The following PRELID2 variants were observed in gnomAD, a reference collection of about 807,000 sequenced individuals.
PRELID2 encodes PRELI domain containing 2, also known as PRELI domain-containing protein 2.
PRELID2 carries 25 observed loss-of-function variants against 28.4 expected under a neutral mutation model. That is an observed-to-expected ratio of 0.88 (90% CI 0.64 to 1.23). PRELID2 has a LOEUF of 1.23. PRELID2 is among the 50% of genes most tolerant of loss of function. The pLI is 0.00. For missense variants in PRELID2, 201 were observed against 214.4 expected (o/e 0.94, Z 0.39); for synonymous variants, 76 against 71.6 (o/e 1.06, Z -0.31).
At chr5:145,620,250 T>C (rs545307539) in intron 1 of PRELID2, among the ~76,000 whole-genome samples, 12 of 152,188 alleles carry the variant, frequency 7.9e-5, no homozygotes, top group African/African-American at 2.9e-4. Flanking sequence ...AATATCATAG[T>C]GAAACACCAA....
chr5:145,787,875 T>G (rs956284366), intron 5 of PRELID2, among the ~76,000 whole-genome samples: 1 of 152,148 alleles, frequency 6.6e-6, no homozygotes, highest in South Asian at 2.1e-4. Context: ...GAACATAATA[T>G]AGTATATGAA....
the PRELID2 span, among the ~76,000 whole-genome samples, chr5:145,324,658 C>T: frequency 1.6e-4 from 25 of 152,194 alleles, no homozygotes; most frequent in South Asian, 4.6e-3. Context: ...TATTGAATGC[C>T]TACTCTGAAC....
chr5:145,751,127 T>C (rs529120648), intron 1 of PRELID2, among the ~76,000 whole-genome samples: 2 of 152,334 alleles, frequency 1.3e-5, no homozygotes, highest in East Asian at 3.9e-4. Context: ...GAAAATCATC[T>C]AGAATTTAAT....
chr5:145,701,956 C>T (rs1280871835), intron 1 of PRELID2, among the ~76,000 whole-genome samples: 4 of 151,862 alleles, frequency 2.6e-5, no homozygotes, highest in Non-Finnish European at 5.9e-5. Context: ...GAGGCCAAGA[C>T]AGGAGAAATG....
At position 145,820,842 on chromosome 5, in the gene PRELID2, G is replaced by A. The variant is rs150317402; in HGVS notation, c.134-824C>T. Among the ~76,000 whole-genome samples the A allele has an allele frequency of 1.1e-4, 16 of 152,230 alleles. No individual in the cohort carries two copies. In the East Asian group the frequency reaches 3.1e-3, roughly 29 times the overall value. ...TTCCTAAACAGGAAAAAGCTATTCC[G>A]CTTCCTTTAGAATGGGAATGAAAGG... On this transcript the variant is annotated intron_variant, in intron 2 of 6. Coordinates refer to ENST00000683046, the MANE Select transcript of PRELID2 (RefSeq NM_205846.3).
chr5:145,377,899 GT>G, the PRELID2 span, among the ~76,000 whole-genome samples: 1 of 152,126 alleles, frequency 6.6e-6, no homozygotes, highest in South Asian at 2.1e-4. Context: ...TCATCATGAT[GT>G]TGGCTGGTTA....
At chr5:145,709,134 C>A (rs764841004) in intron 1 of PRELID2, among the ~76,000 whole-genome samples, 1 of 152,146 alleles carries the variant, frequency 6.6e-6, no homozygotes, top group African/African-American at 2.4e-5. Flanking sequence ...GCTATTCTTG[C>A]GTCTTTTCCT....
intron 4 of PRELID2, among the ~76,000 whole-genome samples, chr5:145,799,184 C>T (rs930986967): frequency 2.0e-5 from 3 of 148,054 alleles, no homozygotes; most frequent in Non-Finnish European, 4.5e-5. Context: ...AGAAACTTTG[C>T]AGGCAAGAAG....
At chr5:145,555,941 A>G (rs1002124152) in intron 1 of PRELID2, among the ~76,000 whole-genome samples, 1 of 152,060 alleles carries the variant, frequency 6.6e-6, no homozygotes, top group Non-Finnish European at 1.5e-5. Flanking sequence ...TAATCATAGA[A>G]CTTTGGGAAG....
chr5:145,827,355 C>T lies in PRELID2; in HGVS notation c.76-4221G>A, dbSNP rs558465846. Among the ~76,000 whole-genome samples, 3 of 152,232 alleles carry T rather than the reference C, an allele frequency of 2.0e-5. No homozygotes were observed. The South Asian group carries it at 6.2e-4, about 32-fold the overall frequency. On this transcript the variant is annotated intron_variant, in intron 1 of 6. Transcript: ENST00000683046. ...ACGAGTTATAAATTAATCAAAATTT[C>T]AATGATCAAGGACAAAACGTACTTA...
the PRELID2 span, among the ~76,000 whole-genome samples, chr5:145,398,511 T>G: frequency 4.5e-3 from 686 of 152,110 alleles, 3 homozygotes; most frequent in African/African-American, 0.016. Flanking sequence ...ATACCAGTTT[T>G]CCCCCAGTCT....
chr5:145,447,086 A>AAATAAAT, the PRELID2 span, among the ~76,000 whole-genome samples: 3 of 69,574 alleles, frequency 4.3e-5, no homozygotes, highest in African/African-American at 1.7e-4. Flanking sequence ...AATAAATAAA[A>AAATAAAT]ATTTAAAAAT....
chr5:145,641,609 C>T (rs1754107576), intron 1 of PRELID2, among the ~76,000 whole-genome samples: 1 of 152,096 alleles, frequency 6.6e-6, no homozygotes, highest in African/African-American at 2.4e-5. Context: ...TTTGCTGCAC[C>T]CATCAACCAA....
the PRELID2 span, among the ~76,000 whole-genome samples, chr5:145,232,835 G>A: frequency 6.6e-6 from 1 of 151,862 alleles, no homozygotes. Context: ...AAACATTCAT[G>A]AGTATAAAAC....
At chr5:145,403,900 GT>G in the PRELID2 span, among the ~76,000 whole-genome samples, 2 of 152,170 alleles carry the variant, frequency 1.3e-5, no homozygotes, top group Non-Finnish European at 2.9e-5. Context: ...AACAGCCAAT[GT>G]TAGCTCGCAG....
chr5:145,621,288 A>G (rs1426358563), intron 1 of PRELID2, among the ~76,000 whole-genome samples: 1 of 151,926 alleles, frequency 6.6e-6, no homozygotes, highest in Non-Finnish European at 1.5e-5. Context: ...AGCAAATCCT[A>G]GCAAAGATAT....
At chr5:145,508,257 C>CAGACAGATAGATAGATAGAT (rs147106499) in intron 1 of PRELID2, among the ~76,000 whole-genome samples, 14 of 149,504 alleles carry the variant, frequency 9.4e-5, no homozygotes, top group African/African-American at 2.5e-4. Flanking sequence ...TTTGCATAGA[C>CAGACAGATAGATAGATAGAT]AGATAGATAG....
chr5:145,592,466 A>G (rs1753244389), intron 1 of PRELID2, among the ~76,000 whole-genome samples: 1 of 142,840 alleles, frequency 7.0e-6, no homozygotes, highest in African/African-American at 2.9e-5. Flanking sequence ...ATATACACAC[A>G]CATACATACA....
the PRELID2 span, among the ~76,000 whole-genome samples, chr5:145,351,888 T>C: frequency 6.6e-6 from 1 of 152,262 alleles, no homozygotes; most frequent in East Asian, 1.9e-4. Flanking sequence ...AGGGCAGTCA[T>C]TAAGCCTTAA....
Sources: allele counts gnomAD v4.1 joint callset (sites outside exome capture counted in the v4.1 genomes callset), GRCh38; gene constraint gnomAD v4.1.1; transcripts MANE v1.5; gene names NCBI Gene and HGNC (gene_info 2026-07-23, HGNC 2026-07-21).